Variants in SLC17A5 observed in about 807,000 individuals in gnomAD.
The protein encoded by SLC17A5 is solute carrier family 17 member 5.
A neutral mutation model predicts 59.4 loss-of-function variants in SLC17A5; 47 were observed. That is an observed-to-expected ratio of 0.79 (90% confidence interval 0.63 to 1.01). The LOEUF (loss-of-function observed/expected upper bound fraction) is 1.01, where lower values mean the gene tolerates loss of function less well. SLC17A5 is among the 50% of genes least tolerant of loss of function. The probability of loss-of-function intolerance (pLI) is 0.00; values close to 1 mark genes in which losing one functional copy is unlikely to be tolerated. For synonymous variants in SLC17A5, 202 were observed against 210.7 expected, an observed-to-expected ratio of 0.96 and a Z score of 0.36; for missense variants, 522 against 595.5, an observed-to-expected ratio of 0.88 and a Z score of 1.28.
chr6:73,603,133 ATT>A (rs1410589801), intron 9 of SLC17A5, among the ~76,000 whole-genome samples: 2 of 151,910 alleles, frequency 1.3e-5, no homozygotes, highest in Non-Finnish European at 2.9e-5. Flanking sequence ...TGCTTGTTCC[ATT>A]AATTACATTT....
At chr6:73,615,289 A>G (rs1345273969) in intron 8 of SLC17A5, 26 bp downstream of exon 8, 4 of 1,613,546 alleles carry the variant, frequency 2.5e-6, no homozygotes, top group Non-Finnish European at 2.5e-6. Context: ...CTGTAAACCA[A>G]AACAAAACCT....
At position 73,594,016 on chromosome 6, in the gene SLC17A5, CTTTA is replaced by C. The variant is rs1311624818; in HGVS notation, c.*1057_*1060del. ...TTGACTGGGCATCGCACTTTTCTTTCTTTATTCTTTTTTTTTTTTTGAGTTGGAG... is the reference window on the plus strand; with the variant it reads ...TTGACTGGGCATCGCACTTTTCTTTCTTCTTTTTTTTTTTTTGAGTTGGAG... On this transcript the variant is annotated 3_prime_UTR_variant, in exon 11 of 11. Transcript: ENST00000355773. 1.3e-5 allele frequency: 2 copies of C among 151,600 alleles called. No individual in the cohort carries two copies. Among genetic ancestry groups the C allele is most frequent in the Admixed American group, 6.6e-5 (1 of 15,206 alleles). The allele number at this position is 151,600 out of a possible 1,614,324, so 9.4% of individuals were successfully genotyped here.
chr6:73,648,285 T>C lies in SLC17A5; in HGVS notation c.95-3682A>G, dbSNP rs377534671. ...CTTTGAAATTGATCCAACAAAAGCA[T>C]GCTTGCATGACCAAGAGAGAGAACA... is the stretch of plus-strand genomic sequence containing the variant. On this transcript the variant is annotated intron_variant, in intron 1 of 10. Transcript: ENST00000355773. Among the ~76,000 whole-genome samples, 6 of 152,228 alleles carry C rather than the reference T, an allele frequency of 3.9e-5. No homozygotes were observed. In the East Asian group the frequency reaches 5.8e-4, roughly 15 times the overall value.
intron 6 of SLC17A5, among the ~76,000 whole-genome samples, chr6:73,627,759 G>A (rs1299372015): frequency 1.3e-5 from 2 of 151,734 alleles, no homozygotes; most frequent in Non-Finnish European, 2.9e-5. Context: ...CTCCTGAGAA[G>A]CTGGGATTAT....
rs150324386 is a variant in SLC17A5 at position 73,594,064 on chromosome 6, G to C, written c.*1013C>G. The C allele has an allele frequency of 1.0e-3, 155 of 151,716 alleles. No individual in the cohort carries two copies. The highest frequency in any genetic ancestry group is 3.6e-3 in the African/African-American group (149 of 41,356). The allele number at this position is 151,716 out of a possible 1,614,324, so 9.4% of individuals were successfully genotyped here. On this transcript the variant is annotated 3_prime_UTR_variant, in exon 11 of 11. Transcript: ENST00000355773. The stretch of plus-strand genomic sequence containing the variant: ...GTTGGAGTCTCGCTCCATCGCCCAG[G>C]CTGGAGTGCAGTGGCGTGATCTTGG...
intron 1 of SLC17A5, among the ~76,000 whole-genome samples, chr6:73,652,422 A>AT (rs1434063570): frequency 2.0e-5 from 3 of 152,088 alleles, no homozygotes; most frequent in African/African-American, 7.2e-5. Flanking sequence ...AGCCTTTTGG[A>AT]TTTTAGCTAT....
chr6:73,641,988 T>C, intron 2 of SLC17A5, 64 bp from the exon 3 acceptor site: 1 of 1,352,132 alleles, frequency 7.4e-7, no homozygotes, highest in Non-Finnish European at 1.1e-6. Context: ...TCTTTTCTCT[T>C]ACTGGCATGT....
chr6:73,610,613 G>C, intron 8 of SLC17A5, 66 bp from the exon 9 acceptor site: 1 of 1,565,634 alleles, frequency 6.4e-7, no homozygotes, highest in Non-Finnish European at 8.8e-7. Flanking sequence ...CCTTAATATG[G>C]TATAAATCTG....
chr6:73,597,718 T>G (rs1007996447), intron 10 of SLC17A5, among the ~76,000 whole-genome samples: 5 of 149,046 alleles, frequency 3.4e-5, no homozygotes, highest in African/African-American at 1.2e-4. Flanking sequence ...CTGGGGAGGT[T>G]GAGGCTGCAG....
chr6:73,605,475 C>T (rs1377201877), intron 9 of SLC17A5, among the ~76,000 whole-genome samples: 1 of 152,040 alleles, frequency 6.6e-6, no homozygotes, highest in African/African-American at 2.4e-5. Context: ...ATGTAATCCC[C>T]AATAAGATAT....
In SLC17A5 at chr6:73,622,107, A is replaced by G. The variant is rs904859522; in HGVS notation, c.820-145T>C. 10 of 703,790 alleles carry G rather than the reference A, an allele frequency of 1.4e-5. No homozygotes were observed. In the Admixed American group the frequency reaches 2.2e-4, roughly 15 times the overall value. 43.6% of individuals were successfully genotyped at this position (703,790 alleles called of 1,614,324 possible). ...AAATTTTTAAATCAACTCCTTTGAA[A>G]TATTAAATAGCAAAATACATGATAA... On this transcript the variant is annotated intron_variant, in intron 6 of 10. Coordinates refer to ENST00000355773, the MANE Select transcript of SLC17A5 (RefSeq NM_012434.5).
In SLC17A5 at chr6:73,641,721, A is replaced by C; in HGVS notation, c.495T>G (p.Ile165Met). 6.2e-7 allele frequency: 1 copy of C among 1,614,072 alleles called. No homozygotes were observed. Among genetic ancestry groups the C allele is most frequent in the South Asian group, 1.1e-5 (1 of 91,084 alleles). Residue 165 changes from isoleucine to methionine, a missense_variant, in exon 3 of 11, where the codon ATT becomes ATG. By Grantham distance (10) the Ile-to-Met change is conservative. Transcript: ENST00000355773. Reference sequence around the variant, plus strand: ...CTAGTCCTTCTAGTGCTCTGAGTACAATGAGTGGTCCAACTCCTAAATCTG... The same window carrying C: ...CTAGTCCTTCTAGTGCTCTGAGTACCATGAGTGGTCCAACTCCTAAATCTG... ...IAADLGVGPL[I>M]VLRALEGLGE...
intron 10 of SLC17A5, among the ~76,000 whole-genome samples, chr6:73,598,995 A>G (rs936719217): frequency 1.1e-4 from 17 of 151,184 alleles, no homozygotes; most frequent in African/African-American, 3.9e-4. Context: ...AAAAAAAAAA[A>G]CCAAAAAACA....
At chr6:73,618,089 T>C (rs1294994462) in intron 7 of SLC17A5, among the ~76,000 whole-genome samples, 1 of 151,546 alleles carries the variant, frequency 6.6e-6, no homozygotes, top group Non-Finnish European at 1.5e-5. Context: ...TTTAGCCAGG[T>C]GTGGTGGCAC....
intron 7 of SLC17A5, among the ~76,000 whole-genome samples, chr6:73,618,748 G>A (rs554639905): frequency 1.3e-5 from 2 of 152,160 alleles, no homozygotes; most frequent in African/African-American, 2.4e-5. Context: ...CTGTACAGAC[G>A]GAGTCTTGCT....
At chr6:73,620,343 C>A (rs967078360) in intron 7 of SLC17A5, among the ~76,000 whole-genome samples, 11 of 152,082 alleles carry the variant, frequency 7.2e-5, no homozygotes, top group Non-Finnish European at 1.5e-4. Context: ...TTATTTATTT[C>A]TTTCTTTTTT....
In SLC17A5 at chr6:73,636,693, T is replaced by C. The variant is rs971035849; in HGVS notation, c.628A>G (p.Thr210Ala). 1 of 1,610,248 alleles carries C rather than the reference T, an allele frequency of 6.2e-7. No homozygotes were observed. The highest frequency in any genetic ancestry group is 8.5e-7 in the Non-Finnish European group (1 of 1,176,510). ...SISYAGAQLG[T>A]VISLPLSGII... ...CCAGAAAGAGGAAGAGAAATTACTG[T>C]CCCAAGCTGTGCTCCTAGAACAACA... Residue 210 changes from threonine to alanine, a missense_variant, in exon 5 of 11, where the codon ACA (threonine) becomes GCA (alanine). Physicochemically the swap from Thr to Ala is moderately conservative, Grantham distance 58 (BLOSUM62 0). This residue lies in a region of SLC17A5 where 338 missense variants were observed against 363.8 expected (regional missense o/e 0.93). Coordinates refer to ENST00000355773, the MANE Select transcript of SLC17A5 (RefSeq NM_012434.5).
intron 7 of SLC17A5, among the ~76,000 whole-genome samples, chr6:73,617,852 A>T (rs528469841): frequency 6.6e-6 from 1 of 152,322 alleles, no homozygotes; most frequent in Admixed American, 6.5e-5. Flanking sequence ...TTCAGCATTT[A>T]TACATTCCAC....
intron 6 of SLC17A5, among the ~76,000 whole-genome samples, chr6:73,627,628 A>C (rs999214277): frequency 5.5e-5 from 8 of 145,206 alleles, no homozygotes; most frequent in African/African-American, 2.2e-4. Flanking sequence ...AAATTATGAA[A>C]GCATTTTTTT....
Sources: gnomAD v4.1 joint callset for allele counts (sites outside exome capture counted in the v4.1 genomes callset) on GRCh38, gnomAD v4.1.1 for gene constraint, gnomAD v4.1.1 regional missense constraint, MANE v1.5 for transcripts, NCBI Gene and HGNC (gene_info 2026-07-23, HGNC 2026-07-21) for gene names.